Variants in IFT81 observed in about 807,000 individuals in gnomAD.
IFT81 encodes the protein intraflagellar transport 81.
Under a neutral mutation model 102.6 loss-of-function variants are expected in IFT81, and 72 were observed. The observed-to-expected ratio is 0.70, with a 90% CI of 0.58 to 0.85. The LOEUF is 0.85. Among genes scored for constraint, IFT81 ranks in the 40% least tolerant of loss-of-function variants. The pLI is 0.00. For missense variants in IFT81, 723 were observed against 787.3 expected (o/e 0.92, Z 0.98); for synonymous variants, 237 against 242.7 (o/e 0.98, Z 0.22).
intron 18 of IFT81, among the ~76,000 whole-genome samples, chr12:110,212,805 C>G (rs1869626224): frequency 6.6e-6 from 1 of 151,896 alleles, no homozygotes; most frequent in Admixed American, 6.6e-5. Context: ...CCATTGCACT[C>G]CAGCCTGGGA....
intron 11 of IFT81, among the ~76,000 whole-genome samples, chr12:110,174,014 A>G (rs1896916548): frequency 6.6e-6 from 1 of 151,984 alleles, no homozygotes; most frequent in Non-Finnish European, 1.5e-5. Flanking sequence ...ACGGTGGCTC[A>G]CGCCTGTAAT....
chr12:110,216,420 CCCCAGCT>C (rs1870129814), intron 18 of IFT81: 15 of 442,720 alleles, frequency 3.4e-5, no homozygotes, highest in South Asian at 2.2e-4. Context: ...GCCTTGAACT[CCCCAGCT>C]CAAGCAATCC....
At chr12:110,182,905 G>A (rs1257886265) in intron 12 of IFT81, among the ~76,000 whole-genome samples, 2 of 152,180 alleles carry the variant, frequency 1.3e-5, no homozygotes, top group Non-Finnish European at 2.9e-5. Flanking sequence ...TCATGGTTCT[G>A]AGACCTATGC....
chr12:110,179,415 T>C (rs186347400), intron 11 of IFT81, among the ~76,000 whole-genome samples: 1 of 152,098 alleles, frequency 6.6e-6, no homozygotes, highest in Non-Finnish European at 1.5e-5. Context: ...GAATAGCTTT[T>C]ATATAAGGAT....
intron 12 of IFT81, among the ~76,000 whole-genome samples, chr12:110,188,768 CAA>C (rs113399140): frequency 6.5e-5 from 8 of 123,088 alleles, no homozygotes; most frequent in African/African-American, 5.9e-5. Context: ...ACTAAAAATA[CAA>C]AAAAAAAAAA....
chr12:110,183,735 G>A (rs1007794798), intron 12 of IFT81, among the ~76,000 whole-genome samples: 4 of 152,126 alleles, frequency 2.6e-5, no homozygotes, highest in African/African-American at 9.7e-5. Flanking sequence ...TTGCTGTCTT[G>A]CATCTTCCAG....
chr12:110,130,656 G>A (rs540358992), intron 4 of IFT81, among the ~76,000 whole-genome samples: 10 of 151,722 alleles, frequency 6.6e-5, no homozygotes, highest in Admixed American at 2.0e-4. Context: ...CGTGAGCCAC[G>A]GTGCACGACC....
At chr12:110,179,773 T>TAA in intron 11 of IFT81, among the ~76,000 whole-genome samples, 1 of 50,486 alleles carries the variant, frequency 2.0e-5, no homozygotes, top group East Asian at 1.8e-3. Context: ...TATATATATA[T>TAA]ACACACACAC....
intron 13 of IFT81, among the ~76,000 whole-genome samples, chr12:110,192,134 G>A (rs1897826534): frequency 6.7e-6 from 1 of 149,894 alleles, no homozygotes; most frequent in Non-Finnish European, 1.5e-5. Flanking sequence ...TCACACCATT[G>A]CACTTCAGCC....
At chr12:110,197,241 TAGG>T in intron 14 of IFT81, among the ~76,000 whole-genome samples, 1 of 135,520 alleles carries the variant, frequency 7.4e-6, no homozygotes, top group African/African-American at 2.7e-5. Context: ...AGTAGATAGG[TAGG>T]TAGGTAGATA....
chr12:110,172,742 T>C (rs1385424647), intron 11 of IFT81, among the ~76,000 whole-genome samples: 1 of 151,940 alleles, frequency 6.6e-6, no homozygotes, highest in Non-Finnish European at 1.5e-5. Flanking sequence ...CGCTACAACC[T>C]CCACCCCCCA....
At chr12:110,207,976 A>G (rs995764652) in intron 17 of IFT81, among the ~76,000 whole-genome samples, 1 of 152,146 alleles carries the variant, frequency 6.6e-6, no homozygotes, top group Admixed American at 6.5e-5. Flanking sequence ...CAAAAGAAAT[A>G]CTTGTAAAAA....
chr12:110,194,016 G>A (rs1355194487), intron 14 of IFT81, among the ~76,000 whole-genome samples: 2 of 152,162 alleles, frequency 1.3e-5, no homozygotes, highest in African/African-American at 2.4e-5. Flanking sequence ...GAGAGAGCAG[G>A]CATATCACAT....
chr12:110,149,178 C>T (rs879876637), intron 10 of IFT81, among the ~76,000 whole-genome samples: 1 of 152,138 alleles, frequency 6.6e-6, no homozygotes, highest in Non-Finnish European at 1.5e-5. Flanking sequence ...CTACTCTAGA[C>T]CTGGAATTAG....
intron 11 of IFT81, among the ~76,000 whole-genome samples, chr12:110,173,420 G>T (rs1382968141): frequency 6.6e-6 from 1 of 152,130 alleles, no homozygotes; most frequent in Non-Finnish European, 1.5e-5. Flanking sequence ...CTACTGGGAA[G>T]TGAGGAGCCC....
chr12:110,158,499 G>C lies in IFT81; in HGVS notation c.1042-4420G>C, dbSNP rs893066940. Among the ~76,000 whole-genome samples the C allele has an allele frequency of 5.3e-5, 8 of 152,098 alleles. No individual in the cohort carries two copies. The South Asian group carries it at 8.3e-4, about 16-fold the overall frequency. On this transcript the variant is annotated intron_variant, in intron 10 of 18. Transcript: ENST00000242591. ...GATCCTTCTGCCTTAGCTTCCCAAA[G>C]TGTTGGGATTATAGGTGTGAGCCAC...
At chr12:110,137,288 C>T (rs1267301374) in intron 8 of IFT81, among the ~76,000 whole-genome samples, 1 of 152,132 alleles carries the variant, frequency 6.6e-6, no homozygotes, top group Non-Finnish European at 1.5e-5. Context: ...TGCAGTGAGC[C>T]GAGACCGCGC....
chr12:110,161,121 T>C (rs1244772094), intron 10 of IFT81, among the ~76,000 whole-genome samples: 1 of 150,956 alleles, frequency 6.6e-6, no homozygotes, highest in Non-Finnish European at 1.5e-5. Context: ...GTTCTATCAT[T>C]CCTTCTTCAC....
intron 10 of IFT81, among the ~76,000 whole-genome samples, chr12:110,151,258 A>G (rs1328906328): frequency 6.6e-6 from 1 of 152,212 alleles, no homozygotes; most frequent in Non-Finnish European, 1.5e-5. Flanking sequence ...CACATTTCAT[A>G]TAAATGGAAT....
Sources: gnomAD v4.1 joint callset for allele counts (sites outside exome capture counted in the v4.1 genomes callset) on GRCh38, gnomAD v4.1.1 for gene constraint, MANE v1.5 for transcripts, NCBI Gene and HGNC (gene_info 2026-07-23, HGNC 2026-07-21) for gene names.